The following SMC3 variants were observed in gnomAD, a reference collection of about 807,000 sequenced individuals.
SMC3 encodes the protein structural maintenance of chromosomes 3.
In SMC3, 20 loss-of-function variants were observed where a neutral mutation model predicts 171.8. The ratio of observed to expected loss-of-function variants is 0.12; its 90% CI spans 0.08 to 0.17. The LOEUF (loss-of-function observed/expected upper bound fraction) is 0.17, where lower values mean the gene tolerates loss of function less well. Among genes scored for constraint, SMC3 ranks in the 10% least tolerant of loss-of-function variants. The pLI is 1.00. For missense variants in SMC3, 543 were observed against 1,420.4 expected (o/e 0.38, Z 9.93); for synonymous variants, 464 against 451.1 (o/e 1.03, Z -0.36).
At chr10:110,578,136 C>T (rs1564789004) in intron 6 of SMC3, among the ~76,000 whole-genome samples, 1 of 151,956 alleles carries the variant, frequency 6.6e-6, no homozygotes, top group African/African-American at 2.4e-5. Context: ...TGCAGTGGCG[C>T]AGTCTCGGCT....
intron 13 of SMC3, among the ~76,000 whole-genome samples, chr10:110,586,946 C>T (rs546343132): frequency 3.3e-5 from 5 of 152,226 alleles, no homozygotes; most frequent in Non-Finnish European, 5.9e-5. Flanking sequence ...CGTGAGCCAC[C>T]GCGCCCGGTG....
intron 13 of SMC3, among the ~76,000 whole-genome samples, chr10:110,586,002 TAGCC>T (rs555118181): frequency 6.3e-4 from 96 of 152,166 alleles, no homozygotes; most frequent in African/African-American, 2.2e-3. Flanking sequence ...TTCACTGTGT[TAGCC>T]AGGATGGTCT....
rs192745931 is a variant in SMC3, at chr10:110,595,019, C to T, written c.1964-1379C>T. ...ATTTTTTTTTTTTGAGATGGAGTTT[C>T]GAGCCCAGGCTGGAGTGCAGTGGCA... On this transcript the variant is annotated intron_variant, in intron 18 of 28. Transcript: ENST00000361804. Among the ~76,000 whole-genome samples the T allele has an allele frequency of 2.8e-3, 409 of 147,336 alleles. 2 individuals are homozygous for T. The highest frequency in any genetic ancestry group is 9.5e-3 in the African/African-American group (374 of 39,572).
At position 110,582,931 on chromosome 10, in the gene SMC3, G is replaced by GTT. The variant is rs59010687; in HGVS notation, c.804+304_804+305dup. 8.5e-3 allele frequency among the ~76,000 whole-genome samples: 1,160 copies of GTT among 136,228 alleles called. 30 individuals carry two copies. The highest frequency in any genetic ancestry group is 0.026 in the African/African-American group (950 of 36,102). 89.4% of individuals were successfully genotyped at this position (136,228 alleles called of 152,430 possible). ...GGTCCTTCTGCCTCAGCCTCCTGAA[G>GTT]TTTTTTTTTTTTTTTTGGAAGACAG... On this transcript the variant is annotated intron_variant, in intron 10 of 28. Coordinates refer to ENST00000361804, the MANE Select transcript of SMC3 (RefSeq NM_005445.4).
At chr10:110,604,139 T>TC in intron 28 of SMC3, 92 bp from the exon 29 acceptor site, 1 of 712,314 alleles carries the variant, frequency 1.4e-6, no homozygotes, top group Non-Finnish European at 2.4e-6. Context: ...AAAATGTAGT[T>TC]AAATGTAGTT....
Position 110,604,189 on chromosome 10 carries a change from G to A in SMC3, c.3583-42G>A, listed in dbSNP as rs1330579264. The A allele has an allele frequency of 4.1e-6, 5 of 1,208,390 alleles. No homozygotes were observed. The Admixed American group carries it at 8.5e-5, about 20-fold the overall frequency. The allele number at this position is 1,208,390 out of a possible 1,614,324, so 74.9% of individuals were successfully genotyped here. On this transcript the variant is annotated intron_variant, in intron 28 of 28. Transcript: ENST00000361804. ...ATTTACCCTATACAATGTAAACACT[G>A]ATGTAATTAACAGATTTTTGTTTTT...
chr10:110,602,353 G>A, intron 25 of SMC3, 121 bp from the exon 26 acceptor site: 1 of 987,854 alleles, frequency 1.0e-6, no homozygotes, highest in Non-Finnish European at 1.6e-6. Context: ...CCCTTAGAAG[G>A]ATCTAGTCTG....
chr10:110,591,606 G>A (rs1335342780), intron 17 of SMC3, among the ~76,000 whole-genome samples: 1 of 152,134 alleles, frequency 6.6e-6, no homozygotes, highest in Non-Finnish European at 1.5e-5. Flanking sequence ...GACTTCGGAA[G>A]CATAACATTG....
chr10:110,572,985 G>GT (rs1404477518), intron 2 of SMC3, among the ~76,000 whole-genome samples: 3 of 151,960 alleles, frequency 2.0e-5, no homozygotes, highest in Non-Finnish European at 4.4e-5. Flanking sequence ...TGTCATATGC[G>GT]TTTTTTTAAA....
chr10:110,602,120 A>G lies in SMC3; in HGVS notation c.3047A>G (p.Glu1016Gly), dbSNP rs1178257620. Residue 1016 changes from glutamate to glycine, a missense_variant, in exon 25 of 29, where the codon GAA (glutamate) becomes GGA (glycine). Physicochemically the swap from Glu to Gly is moderately conservative, Grantham distance 98. Around this residue, in one of 8 missense-constraint regions of SMC3, gnomAD observed 81 missense variants for 184.2 expected, o/e 0.44. Coordinates refer to ENST00000361804, the MANE Select transcript of SMC3 (RefSeq NM_005445.4). Reference protein sequence around the residue: ...ELDRGYKSIMELMNVLELRKY... With the variant: ...ELDRGYKSIMGLMNVLELRKY... ...GATAGGGGTTACAAATCAATCATGG[A>G]ACTGATGAATGTACTTGAACTTCGG... is the stretch of plus-strand genomic sequence containing the variant. The G allele has an allele frequency of 6.2e-7, 1 of 1,613,844 alleles. No homozygotes were observed.
intron 13 of SMC3, 45 bp downstream of exon 13, chr10:110,584,441 T>G: frequency 7.2e-7 from 1 of 1,382,452 alleles, no homozygotes; most frequent in Admixed American, 1.7e-5. Context: ...TCAGAAGAGA[T>G]AAATGTGTTT....
In SMC3 at chr10:110,596,564, T is replaced by C. The variant is rs1334961861; in HGVS notation, c.2116+14T>C. The C allele has an allele frequency of 1.2e-6, 2 of 1,612,806 alleles. No homozygotes were observed. Among genetic ancestry groups the C allele is most frequent in the Non-Finnish European group, 1.7e-6 (2 of 1,179,050 alleles). ...GAAATATTGAAAATATCTTTTTGTTTTGTGCATAGTGATAGATATTGTGGG... is the reference window on the plus strand; with the variant it reads ...GAAATATTGAAAATATCTTTTTGTTCTGTGCATAGTGATAGATATTGTGGG... On this transcript the variant is annotated intron_variant, in intron 19 of 28. Coordinates refer to ENST00000361804, the MANE Select transcript of SMC3 (RefSeq NM_005445.4).
Position 110,586,910 on chromosome 10 carries a change from G to A in SMC3, c.1305+2514G>A, listed in dbSNP as rs374873506. 9.2e-4 allele frequency among the ~76,000 whole-genome samples: 140 copies of A among 152,272 alleles called. 1 individual carries two copies. Among genetic ancestry groups the A allele is most frequent in the African/African-American group, 3.0e-3 (126 of 41,560 alleles). ...GACCTCAGGTGATCCGCCCACCTGA[G>A]CCTCCCAAAGTGCTGGGATTACAGG... On this transcript the variant is annotated intron_variant, in intron 13 of 28. Transcript: ENST00000361804.
intron 1 of SMC3, among the ~76,000 whole-genome samples, chr10:110,568,161 A>AC (rs1056434294): frequency 4.0e-5 from 6 of 151,246 alleles, no homozygotes; most frequent in African/African-American, 1.5e-4. Context: ...GGCGGGGGGC[A>AC]CCCCGCCGGG....
In SMC3 at chr10:110,567,714, G is replaced by A; in HGVS notation, c.-103G>A. On this transcript the variant is annotated 5_prime_UTR_variant, in exon 1 of 29. Coordinates refer to ENST00000361804, the MANE Select transcript of SMC3 (RefSeq NM_005445.4). ...CATTTTGTTTGGCTGAGGGGAGCGA[G>A]CGGCGCTTTGGGGGAGGGGTCGCGT... 7.0e-7 allele frequency: 1 copy of A among 1,423,074 alleles called. No individual in the cohort carries two copies. The highest frequency in any genetic ancestry group is 9.9e-7 in the Non-Finnish European group (1 of 1,014,432). The allele number at this position is 1,423,074 out of a possible 1,614,324, so 88.2% of individuals were successfully genotyped here.
intron 13 of SMC3, among the ~76,000 whole-genome samples, chr10:110,585,707 T>C (rs1333005816): frequency 6.6e-6 from 1 of 151,890 alleles, no homozygotes; most frequent in East Asian, 1.9e-4. Flanking sequence ...TTCTTGACTT[T>C]TGGGACTTGA....
At chr10:110,584,120 T>C in intron 12 of SMC3, 63 bp from the exon 13 acceptor site, 1 of 1,527,994 alleles carries the variant, frequency 6.5e-7, no homozygotes, top group Non-Finnish European at 9.1e-7. Flanking sequence ...GTTGACATTA[T>C]TGGTTGCAAT....
intron 23 of SMC3, 124 bp from the exon 24 acceptor site, chr10:110,601,513 A>G (rs556231414): frequency 9.9e-7 from 1 of 1,005,898 alleles, no homozygotes; most frequent in African/African-American, 1.6e-5. Flanking sequence ...ATAAATTTTC[A>G]CAGAAAATTT....
intron 20 of SMC3, among the ~76,000 whole-genome samples, chr10:110,598,901 G>A (rs939808714): frequency 1.3e-5 from 2 of 152,156 alleles, no homozygotes; most frequent in Non-Finnish European, 2.9e-5. Context: ...AATGGAATTA[G>A]TTGAATATTT....
Sources: allele counts gnomAD v4.1 joint callset (sites outside exome capture counted in the v4.1 genomes callset), GRCh38; gene constraint gnomAD v4.1.1; regional missense constraint gnomAD v4.1.1; transcripts MANE v1.5; gene names NCBI Gene and HGNC (gene_info 2026-07-23, HGNC 2026-07-21).